Variants in CCDC93 observed in about 807,000 individuals in gnomAD.
The protein encoded by CCDC93 is coiled-coil domain-containing protein 93.
Under a neutral mutation model 108.2 loss-of-function variants are expected in CCDC93, and 61 were observed. That is an observed-to-expected ratio of 0.56 (90% CI 0.46 to 0.70). The LOEUF (loss-of-function observed/expected upper bound fraction) is 0.70, where lower values mean the gene tolerates loss of function less well. Among genes scored for constraint, CCDC93 ranks in the 30% least tolerant of loss-of-function variants. The probability of loss-of-function intolerance (pLI) is 0.00; values close to 1 mark genes in which losing one functional copy is unlikely to be tolerated. For synonymous variants in CCDC93, 276 were observed against 260.4 expected (o/e 1.06, Z -0.58); for missense variants, 685 against 764.2 (o/e 0.90, Z 1.22).
chr2:118,008,716 G>T lies in CCDC93; in HGVS notation c.43-58C>A, dbSNP rs7596280. The T allele has an allele frequency of 8.6e-3, 9,214 of 1,072,996 alleles. 520 individuals carry two copies. In the African/African-American group the frequency reaches 0.12, roughly 14 times the overall value. 66.5% of individuals were successfully genotyped at this position (1,072,996 alleles called of 1,614,324 possible). A position where few individuals can be genotyped will look rare whatever the true frequency, so the allele number is the denominator to read the frequency against. ...AGATATGCTGAATAAAGGAACACCA[G>T]GTATATCCCCTGATGCCACAAGCTC... On this transcript the variant is annotated intron_variant, in intron 1 of 23. Coordinates refer to ENST00000376300, the MANE Select transcript of CCDC93 (RefSeq NM_019044.5).
At chr2:117,980,196 C>G (rs567164824) in intron 7 of CCDC93, among the ~76,000 whole-genome samples, 6 of 152,188 alleles carry the variant, frequency 3.9e-5, no homozygotes, top group Non-Finnish European at 8.8e-5. Flanking sequence ...AGCTTGAGAG[C>G]TGACCCTGGC....
At chr2:117,935,673 C>A in intron 21 of CCDC93, 94 bp from the exon 22 acceptor site, 1 of 905,980 alleles carries the variant, frequency 1.1e-6, no homozygotes, top group Non-Finnish European at 1.7e-6. Context: ...GATTATGACT[C>A]TTAGGAGAGG....
chr2:117,937,853 C>G (rs142651503), intron 20 of CCDC93, among the ~76,000 whole-genome samples: 1 of 152,020 alleles, frequency 6.6e-6, no homozygotes, highest in African/African-American at 2.4e-5. Flanking sequence ...CTGTGTAAGC[C>G]CCGGATACAG....
At chr2:117,995,850 C>T (rs1307399668) in intron 5 of CCDC93, 1 of 185,860 alleles carries the variant, frequency 5.4e-6, no homozygotes, top group Admixed American at 5.8e-5. Flanking sequence ...ATAAAAACGC[C>T]CATCTCAGGT....
chr2:117,945,498 C>T (rs1678841538), intron 17 of CCDC93, 31 bp downstream of exon 17: 1 of 1,601,164 alleles, frequency 6.2e-7, no homozygotes, highest in Admixed American at 1.7e-5. Context: ...CCTCAGGAGA[C>T]AATGCCAGTC....
intron 11 of CCDC93, 130 bp downstream of exon 11, chr2:117,973,778 T>G: frequency 1.4e-6 from 1 of 708,568 alleles, no homozygotes; most frequent in Non-Finnish European, 2.5e-6. Flanking sequence ...GCCCAGTGTG[T>G]TTCTGACTAA....
At chr2:118,004,980 T>C (rs535331817) in intron 3 of CCDC93, among the ~76,000 whole-genome samples, 1 of 152,154 alleles carries the variant, frequency 6.6e-6, no homozygotes, top group Non-Finnish European at 1.5e-5. Flanking sequence ...TAAAAAAAAA[T>C]TTATTTAGCA....
At chr2:117,964,610 T>C (rs551383029) in intron 11 of CCDC93, among the ~76,000 whole-genome samples, 35 of 152,274 alleles carry the variant, frequency 2.3e-4, no homozygotes, top group African/African-American at 8.4e-4. Flanking sequence ...GTAGAATTTT[T>C]TTTTTTTTAA....
chr2:117,995,391 G>C (rs1195319334), intron 6 of CCDC93, 55 bp downstream of exon 6: 7 of 1,320,672 alleles, frequency 5.3e-6, no homozygotes, highest in Non-Finnish European at 7.7e-6. Context: ...ATTTAACAAA[G>C]GGCTATCTGA....
chr2:117,996,304 T>C lies in CCDC93; in HGVS notation c.422A>G (p.Tyr141Cys). ...KEEMGDYIRS[Y>C]SVSQFQKTYS... ...AGTCTTCTGGAACTGGGATACAGAGTAGGAGCGGATATAGTCACCCATCTC... is the reference window on the plus strand; with the variant it reads ...AGTCTTCTGGAACTGGGATACAGAGCAGGAGCGGATATAGTCACCCATCTC... The change falls in exon 5 of 24, where the codon TAC (tyrosine) becomes TGC (cysteine). Residue 141 changes from tyrosine to cysteine, a missense_variant. By Grantham distance (194) the Tyr-to-Cys change is radical (BLOSUM62 -2). Coordinates refer to ENST00000376300, the MANE Select transcript of CCDC93 (RefSeq NM_019044.5). The C allele has an allele frequency of 6.2e-7, 1 of 1,613,466 alleles. No individual in the cohort carries two copies. The highest frequency in any genetic ancestry group is 8.5e-7 in the Non-Finnish European group (1 of 1,179,516).
intron 23 of CCDC93, among the ~76,000 whole-genome samples, chr2:117,927,738 T>C (rs1678171785): frequency 6.6e-6 from 1 of 152,184 alleles, no homozygotes; most frequent in Admixed American, 6.5e-5. Context: ...ATGACTTTCT[T>C]CACAGAATTG....
Position 117,992,988 on chromosome 2 carries a change from T to C in CCDC93, c.519+2458A>G, listed in dbSNP as rs867836578. ...AGGCTCAGTTTCATTACCAGGATGA[T>C]TGACAGCTATGCTGGCTTTTGCTCT... is the stretch of plus-strand genomic sequence containing the variant. On this transcript the variant is annotated intron_variant, in intron 6 of 23. Transcript: ENST00000376300. 5.9e-5 allele frequency among the ~76,000 whole-genome samples: 9 copies of C among 152,284 alleles called. 1 individual carries two copies. In the Middle Eastern group the frequency reaches 0.017, roughly 290 times the overall value.
At chr2:117,980,567 T>C (rs1054383261) in intron 7 of CCDC93, among the ~76,000 whole-genome samples, 1 of 152,206 alleles carries the variant, frequency 6.6e-6, no homozygotes, top group African/African-American at 2.4e-5. Context: ...TGAGCTTCTG[T>C]GACAGCCAAC....
intron 1 of CCDC93, among the ~76,000 whole-genome samples, chr2:118,010,381 T>A (rs971100613): frequency 1.3e-5 from 2 of 152,138 alleles, no homozygotes; most frequent in African/African-American, 4.8e-5. Context: ...GAACTACCTT[T>A]CCTCTCTTCC....
chr2:117,989,730 A>C (rs1304467711), intron 6 of CCDC93, among the ~76,000 whole-genome samples: 1 of 151,148 alleles, frequency 6.6e-6, no homozygotes, highest in African/African-American at 2.5e-5. Context: ...TTACGAAAAT[A>C]AACTAATCGG....
At chr2:118,007,035 G>A (rs554784400) in intron 2 of CCDC93, among the ~76,000 whole-genome samples, 7 of 140,582 alleles carry the variant, frequency 5.0e-5, no homozygotes, top group African/African-American at 1.2e-4. Flanking sequence ...GAAATATTCC[G>A]TTATCTGCAA....
In CCDC93 at chr2:117,931,046, C is replaced by T. The variant is rs1558769246; in HGVS notation, c.1833G>A (p.Glu611=). The T allele has an allele frequency of 6.2e-7, 1 of 1,606,714 alleles. No individual in the cohort carries two copies. Among genetic ancestry groups the T allele is most frequent in the East Asian group, 2.2e-5 (1 of 44,800 alleles). ...KQRLYFKTVK[E]FKEEGRKNEM... ...CCAGCCTTCCTCTTACCTCCTTGAA[C>T]TCTTTCACAGTCTTAAAGTATAGCC... Residue 611 remains glutamate (E), a synonymous_variant, in exon 23 of 24, where the codon GAG becomes GAA. Transcript: ENST00000376300.
At chr2:118,005,796 C>CAT (rs1160605090) in intron 3 of CCDC93, among the ~76,000 whole-genome samples, 1 of 149,028 alleles carries the variant, frequency 6.7e-6, no homozygotes, top group Non-Finnish European at 1.5e-5. Flanking sequence ...CAGCTAAAGG[C>CAT]ATATGCTTCT....
At position 117,945,521 on chromosome 2, in the gene CCDC93, G is replaced by A. The variant is rs1238493432; in HGVS notation, c.1350+8C>T. 5 of 1,613,008 alleles carry A rather than the reference G, an allele frequency of 3.1e-6. No individual in the cohort carries two copies. Among genetic ancestry groups the A allele is most frequent in the African/African-American group, 1.3e-5 (1 of 74,896 alleles). ...GACAATGCCAGTCCTGAGCAGGCAG[G>A]TACTTACGTCATGAGTCATTGCAGA... On this transcript the variant is annotated splice_region_variant and intron_variant, in intron 17 of 23. Transcript: ENST00000376300.
Sources: allele counts gnomAD v4.1 joint callset (sites outside exome capture counted in the v4.1 genomes callset), GRCh38; gene constraint gnomAD v4.1.1; transcripts MANE v1.5; gene names NCBI Gene and HGNC (gene_info 2026-07-23, HGNC 2026-07-21).